The following SGCZ variants were observed in gnomAD, a reference collection of about 807,000 sequenced individuals.
The protein encoded by SGCZ is sarcoglycan zeta.
Under a neutral mutation model 41.3 loss-of-function variants are expected in SGCZ, and 40 were observed. The observed-to-expected ratio is 0.97, with a 90% CI of 0.75 to 1.26. The LOEUF is 1.26. Ranked by LOEUF, SGCZ falls within the 50% of genes most tolerant of loss-of-function variation. The pLI is 0.00. For synonymous variants in SGCZ, 206 were observed against 137.5 expected (o/e 1.50, Z -3.49); for missense variants, 552 against 369.8 (o/e 1.49, Z -4.04).
At chr8:14,277,192 A>G (rs567596408) in intron 3 of SGCZ, among the ~76,000 whole-genome samples, 1 of 152,296 alleles carries the variant, frequency 6.6e-6, no homozygotes, top group African/African-American at 2.4e-5. Flanking sequence ...GACTTTTTCA[A>G]TATGACATGT....
chr8:14,098,821 C>G (rs951542997), intron 7 of SGCZ, among the ~76,000 whole-genome samples: 3 of 152,096 alleles, frequency 2.0e-5, no homozygotes, highest in African/African-American at 4.8e-5. Context: ...GCCTTAGAAT[C>G]AAGCATGAGC....
intron 3 of SGCZ, among the ~76,000 whole-genome samples, chr8:14,289,326 T>C (rs1800759797): frequency 6.6e-6 from 1 of 152,120 alleles, no homozygotes; most frequent in South Asian, 2.1e-4. Context: ...TTTGATATTG[T>C]ATCTAAGAAA....
intron 4 of SGCZ, among the ~76,000 whole-genome samples, chr8:14,221,918 G>A (rs538984806): frequency 6.6e-6 from 1 of 151,336 alleles, no homozygotes; most frequent in Non-Finnish European, 1.5e-5. Context: ...CCGAGATCAT[G>A]CCACTGCACT....
In SGCZ at chr8:14,955,606, T is replaced by A. The variant is rs186022839; in HGVS notation, c.39+281979A>T. Among the ~76,000 whole-genome samples, 533 of 152,352 alleles carry A rather than the reference T, an allele frequency of 3.5e-3. 6 individuals carry two copies. The highest frequency in any genetic ancestry group is 0.012 in the African/African-American group (502 of 41,586). On this transcript the variant is annotated intron_variant, in intron 1 of 7. Transcript: ENST00000382080. ...TTTGGCCAATGTACTGGGTATATAATGGAATCAAATTATGATTTCACTTTC... is the reference window on the plus strand; with the variant it reads ...TTTGGCCAATGTACTGGGTATATAAAGGAATCAAATTATGATTTCACTTTC...
chr8:14,705,050 AT>A lies in SGCZ; in HGVS notation c.40-150125del, dbSNP rs1258560887. On this transcript the variant is annotated intron_variant, in intron 1 of 7. Coordinates refer to ENST00000382080, the MANE Select transcript of SGCZ (RefSeq NM_139167.4). ...ACCAAACCACAGATTTTTATTGTTA[AT>A]TTCGAAGCTGATCTTTTTTCCAGTT... Among the ~76,000 whole-genome samples the A allele has an allele frequency of 2.6e-5, 4 of 151,986 alleles. No individual in the cohort carries two copies. The East Asian group carries it at 7.7e-4, about 29-fold the overall frequency.
chr8:14,837,972 G>T (rs1802759320), intron 1 of SGCZ, among the ~76,000 whole-genome samples: 1 of 151,964 alleles, frequency 6.6e-6, no homozygotes, highest in African/African-American at 2.4e-5. Flanking sequence ...AATAAATTAT[G>T]TAGTTAGATA....
At chr8:14,560,746 T>A (rs930668491) in intron 1 of SGCZ, among the ~76,000 whole-genome samples, 1 of 152,062 alleles carries the variant, frequency 6.6e-6, no homozygotes, top group Non-Finnish European at 1.5e-5. Flanking sequence ...CTTTCAGCAA[T>A]AAGATTGAAA....
chr8:14,698,023 C>G (rs1383087474), intron 1 of SGCZ, among the ~76,000 whole-genome samples: 3 of 151,848 alleles, frequency 2.0e-5, no homozygotes, highest in African/African-American at 7.3e-5. Context: ...TTCAAAAGGC[C>G]AACATTTCAC....
At chr8:14,936,703 G>A (rs1800095612) in intron 1 of SGCZ, among the ~76,000 whole-genome samples, 1 of 151,750 alleles carries the variant, frequency 6.6e-6, no homozygotes. Flanking sequence ...CCAAAGATTA[G>A]GTCATACATA....
At chr8:14,401,380 A>T (rs34747219) in intron 2 of SGCZ, among the ~76,000 whole-genome samples, 1 of 149,272 alleles carries the variant, frequency 6.7e-6, no homozygotes, top group Non-Finnish European at 1.5e-5. Flanking sequence ...CTGGTGTGCT[A>T]CACCCAATAA....
intron 1 of SGCZ, among the ~76,000 whole-genome samples, chr8:15,020,764 A>C (rs570983336): frequency 2.6e-5 from 4 of 152,216 alleles, no homozygotes; most frequent in Non-Finnish European, 5.9e-5. Context: ...ATATACAGTG[A>C]AAAGTAGCTA....
intron 4 of SGCZ, among the ~76,000 whole-genome samples, chr8:14,171,738 A>C (rs1190794343): frequency 6.6e-6 from 1 of 151,524 alleles, no homozygotes; most frequent in East Asian, 1.9e-4. Context: ...TTATCCTACC[A>C]CTTATGCCTT....
chr8:15,067,236 AACCCTGCACACTACACCC>A (rs1392256184), intron 1 of SGCZ, among the ~76,000 whole-genome samples: 2 of 152,058 alleles, frequency 1.3e-5, no homozygotes, highest in African/African-American at 2.4e-5. Context: ...ACACTCCACC[AACCCTGCACACTACACCC>A]ACCCTGCACA....
At chr8:14,620,362 T>G (rs1326266367) in intron 1 of SGCZ, among the ~76,000 whole-genome samples, 1 of 152,128 alleles carries the variant, frequency 6.6e-6, no homozygotes, top group African/African-American at 2.4e-5. Context: ...GCAATACCAT[T>G]CAGGTCATAG....
chr8:14,919,581 G>T (rs1799531827), intron 1 of SGCZ, among the ~76,000 whole-genome samples: 1 of 152,080 alleles, frequency 6.6e-6, no homozygotes, highest in African/African-American at 2.4e-5. Context: ...GAACAATTAA[G>T]ATACTAATAT....
intron 1 of SGCZ, among the ~76,000 whole-genome samples, chr8:15,117,154 G>A (rs1482933875): frequency 2.6e-5 from 4 of 152,146 alleles, no homozygotes; most frequent in East Asian, 3.9e-4. Flanking sequence ...GGCGGATAAC[G>A]AGGTCAGGAG....
rs546350958 is a variant in SGCZ at position 14,613,870 on chromosome 8, G to T, written c.40-58944C>A. ...CATTATCTACATGCTGTCAATTGAG[G>T]TTATCAAAACCAGTAAAAAGTACAA... On this transcript the variant is annotated intron_variant, in intron 1 of 7. Coordinates refer to ENST00000382080, the MANE Select transcript of SGCZ (RefSeq NM_139167.4). 4.6e-5 allele frequency among the ~76,000 whole-genome samples: 7 copies of T among 152,068 alleles called. No individual in the cohort carries two copies. In the South Asian group the frequency reaches 1.2e-3, roughly 27 times the overall value.
intron 1 of SGCZ, among the ~76,000 whole-genome samples, chr8:14,747,425 C>T (rs1484058302): frequency 2.0e-5 from 3 of 152,122 alleles, no homozygotes; most frequent in East Asian, 1.9e-4. Context: ...ACAAAACCAA[C>T]GTCCAGAGAG....
At position 14,576,494 on chromosome 8, in the gene SGCZ, G is replaced by T. The variant is rs572845191; in HGVS notation, c.40-21568C>A. On this transcript the variant is annotated intron_variant, in intron 1 of 7. Coordinates refer to ENST00000382080, the MANE Select transcript of SGCZ (RefSeq NM_139167.4). ...GAAGTTAGCTAAGTTAATGTGAAAT[G>T]AAACATTTTCTATTTAGTTACACAA... 2.6e-4 allele frequency among the ~76,000 whole-genome samples: 39 copies of T among 152,244 alleles called. No homozygotes were observed. The South Asian group carries it at 7.5e-3, about 29-fold the overall frequency.
Sources: gnomAD v4.1 joint callset for allele counts (sites outside exome capture counted in the v4.1 genomes callset) on GRCh38, gnomAD v4.1.1 for gene constraint, MANE v1.5 for transcripts, NCBI Gene and HGNC (gene_info 2026-07-23, HGNC 2026-07-21) for gene names.